Variants in BNC2 observed in about 807,000 individuals in gnomAD.
BNC2 encodes the protein basonuclin zinc finger protein 2, also known as zinc finger protein basonuclin-2.
BNC2 carries 20 observed loss-of-function variants against 76.3 expected under a neutral mutation model. The observed-to-expected ratio is 0.26, with a 90% confidence interval of 0.18 to 0.38. BNC2 has a LOEUF of 0.38. Among genes scored for constraint, BNC2 ranks in the 10% least tolerant of loss-of-function variants. The probability of loss-of-function intolerance (pLI) is 1.00; values close to 1 mark genes in which losing one functional copy is unlikely to be tolerated. For missense variants in BNC2, 1,382 were observed against 1,399.8 expected (o/e 0.99, Z 0.20); for synonymous variants, 582 against 514.8 (o/e 1.13, Z -1.77).
At chr9:16,672,302 C>G (rs1300072060) in intron 3 of BNC2, among the ~76,000 whole-genome samples, 1 of 152,138 alleles carries the variant, frequency 6.6e-6, no homozygotes, top group East Asian at 1.9e-4. Context: ...TCCAGACGGT[C>G]CTGGCTAACA....
intron 3 of BNC2, among the ~76,000 whole-genome samples, chr9:16,676,522 T>G (rs928004312): frequency 6.6e-6 from 1 of 152,250 alleles, no homozygotes; most frequent in Non-Finnish European, 1.5e-5. Flanking sequence ...GAACAGTGTA[T>G]GTTAAGTTGG....
chr9:16,786,614 A>C (rs138027759), intron 1 of BNC2, among the ~76,000 whole-genome samples: 23 of 152,190 alleles, frequency 1.5e-4, no homozygotes, highest in Non-Finnish European at 2.5e-4. Context: ...TCAGGGTTCC[A>C]TGAGAATGCA....
At position 16,423,921 on chromosome 9, in the gene BNC2, T is replaced by C. The variant is rs115448534; in HGVS notation, c.2640-4272A>G. On this transcript the variant is annotated intron_variant, in intron 6 of 6. Coordinates refer to ENST00000380672, the MANE Select transcript of BNC2 (RefSeq NM_017637.6). ...CTTAAAAGCAAAAAGTTACAAAACCTTGGACTGAGGGGAGGGTGCTGCAGA... is the reference window on the plus strand; with the variant it reads ...CTTAAAAGCAAAAAGTTACAAAACCCTGGACTGAGGGGAGGGTGCTGCAGA... Among the ~76,000 whole-genome samples the C allele has an allele frequency of 4.2e-3, 643 of 152,230 alleles. 1 individual carries two copies. The highest frequency in any genetic ancestry group is 0.02 in the Middle Eastern group (6 of 294).
chr9:16,574,227 G>A (rs1819419374), intron 4 of BNC2, among the ~76,000 whole-genome samples: 1 of 152,102 alleles, frequency 6.6e-6, no homozygotes, highest in Non-Finnish European at 1.5e-5. Flanking sequence ...GCTTCCTGTA[G>A]GATCGTTAGC....
chr9:16,566,238 T>C (rs555641607), intron 4 of BNC2, among the ~76,000 whole-genome samples: 16 of 152,278 alleles, frequency 1.1e-4, no homozygotes, highest in African/African-American at 3.6e-4. Flanking sequence ...TGAAACAAAA[T>C]CACTAAAGAG....
intron 5 of BNC2, among the ~76,000 whole-genome samples, chr9:16,495,079 G>C (rs1390557990): frequency 6.6e-6 from 1 of 152,198 alleles, no homozygotes; most frequent in Non-Finnish European, 1.5e-5. Context: ...GTAAAGAACA[G>C]GTTGGCGGAG....
chr9:16,735,463 T>C (rs1471108077), intron 2 of BNC2, among the ~76,000 whole-genome samples: 1 of 151,808 alleles, frequency 6.6e-6, no homozygotes, highest in African/African-American at 2.4e-5. Context: ...AACATGAAAG[T>C]TGCAAGAATT....
chr9:16,745,697 T>C (rs558344451), intron 1 of BNC2, among the ~76,000 whole-genome samples: 9 of 152,214 alleles, frequency 5.9e-5, no homozygotes, highest in Non-Finnish European at 1.3e-4. Context: ...TTTTCTATTA[T>C]GCCTGTCTCT....
chr9:16,605,569 T>C (rs990178257), intron 3 of BNC2, among the ~76,000 whole-genome samples: 2 of 152,222 alleles, frequency 1.3e-5, no homozygotes, highest in African/African-American at 4.8e-5. Flanking sequence ...AAGTAACAAG[T>C]GCTACATAAA....
In BNC2 at chr9:16,571,901, G is replaced by GA. The variant is rs549593811; in HGVS notation, c.433+11081dup. On this transcript the variant is annotated intron_variant, in intron 4 of 6. Coordinates refer to ENST00000380672, the MANE Select transcript of BNC2 (RefSeq NM_017637.6). ...TCTGCCAATGCTCACATGAAATATAGAAAAAAAAATGACTTTTTTTTTAAG... is the reference window on the plus strand; with the variant it reads ...TCTGCCAATGCTCACATGAAATATAGAAAAAAAAAATGACTTTTTTTTTAAG... 1.6e-3 allele frequency among the ~76,000 whole-genome samples: 241 copies of GA among 150,512 alleles called. No homozygotes were observed. In the Middle Eastern group the frequency reaches 0.017, roughly 11 times the overall value.
chr9:16,719,600 C>G (rs1381381333), intron 3 of BNC2, among the ~76,000 whole-genome samples: 1 of 152,142 alleles, frequency 6.6e-6, no homozygotes, highest in Admixed American at 6.5e-5. Context: ...AAAAGCACAG[C>G]AGGTAACAAT....
At chr9:16,493,798 C>G (rs1359289234) in intron 5 of BNC2, among the ~76,000 whole-genome samples, 1 of 152,108 alleles carries the variant, frequency 6.6e-6, no homozygotes, top group African/African-American at 2.4e-5. Flanking sequence ...GCCTGAAGAG[C>G]CAAACAGGTG....
At chr9:16,508,256 T>G (rs1193205778) in intron 5 of BNC2, among the ~76,000 whole-genome samples, 1 of 152,216 alleles carries the variant, frequency 6.6e-6, no homozygotes, top group Non-Finnish European at 1.5e-5. Context: ...GGACTTCTGG[T>G]CAAAGACATC....
chr9:16,498,143 T>C (rs1458296263), intron 5 of BNC2, among the ~76,000 whole-genome samples: 1 of 116,594 alleles, frequency 8.6e-6, no homozygotes, highest in African/African-American at 4.5e-5. Context: ...ATATATTCTA[T>C]CATATATATT....
At chr9:16,575,218 C>T in intron 4 of BNC2, 1 of 963,410 alleles carries the variant, frequency 1.0e-6, no homozygotes, top group Non-Finnish European at 1.2e-6. Flanking sequence ...TGTAAACAGT[C>T]TCATTCAAGA....
At chr9:16,677,429 T>C (rs918906610) in intron 3 of BNC2, among the ~76,000 whole-genome samples, 2 of 151,976 alleles carry the variant, frequency 1.3e-5, no homozygotes, top group Admixed American at 1.3e-4. Context: ...AAAAATTAAC[T>C]GGACATGGTG....
At chr9:16,866,978 G>A (rs922362778) in intron 1 of BNC2, among the ~76,000 whole-genome samples, 2 of 152,108 alleles carry the variant, frequency 1.3e-5, no homozygotes, top group Admixed American at 6.5e-5. Context: ...ATCAGAAAGC[G>A]TTGCTCCTTA....
At chr9:16,658,915 A>G (rs1197431916) in intron 3 of BNC2, among the ~76,000 whole-genome samples, 1 of 152,206 alleles carries the variant, frequency 6.6e-6, no homozygotes, top group African/African-American at 2.4e-5. Context: ...GTGACAGTTT[A>G]CATTGTCTTA....
intron 5 of BNC2, among the ~76,000 whole-genome samples, chr9:16,528,536 T>C (rs757248763): frequency 6.6e-6 from 1 of 152,342 alleles, no homozygotes; most frequent in Non-Finnish European, 1.5e-5. Context: ...AGAGTCATGA[T>C]AGAGTAGCAT....
Sources: allele counts gnomAD v4.1 joint callset (sites outside exome capture counted in the v4.1 genomes callset), GRCh38; gene constraint gnomAD v4.1.1; transcripts MANE v1.5; gene names NCBI Gene and HGNC (gene_info 2026-07-23, HGNC 2026-07-21).